The following TFPI variants were observed in gnomAD, a reference collection of about 807,000 sequenced individuals.
The protein encoded by TFPI is tissue factor pathway inhibitor.
A neutral mutation model predicts 34.6 loss-of-function variants in TFPI; 15 were observed. That is an observed-to-expected ratio of 0.43 (90% CI 0.29 to 0.67). The LOEUF (loss-of-function observed/expected upper bound fraction) is 0.67. TFPI is among the 30% of genes least tolerant of loss of function. The pLI is 0.15. For synonymous variants in TFPI, 105 were observed against 120.1 expected (o/e 0.87, Z 0.82); for missense variants, 301 against 364.0 (o/e 0.83, Z 1.41).
In TFPI at chr2:187,469,177, T is replaced by C. The variant is rs576133631; in HGVS notation, c.629-1245A>G. Among the ~76,000 whole-genome samples the C allele has an allele frequency of 4.6e-5, 7 of 152,176 alleles. No individual in the cohort carries two copies. The South Asian group carries it at 1.2e-3, about 27-fold the overall frequency. ...TAAGGACTAGAGTGTCTTGATATAG[T>C]AACTCAGGTAATAAAAAATATTCTG... On this transcript the variant is annotated intron_variant, in intron 6 of 7. Transcript: ENST00000233156.
At chr2:187,486,885 C>G (rs1052608834) in intron 4 of TFPI, among the ~76,000 whole-genome samples, 11 of 151,540 alleles carry the variant, frequency 7.3e-5, no homozygotes, top group Non-Finnish European at 1.3e-4. Context: ...TGTATTAAAT[C>G]TCAAATCTCT....
intron 1 of TFPI, among the ~76,000 whole-genome samples, chr2:187,506,913 A>G (rs1166454278): frequency 1.3e-5 from 2 of 151,846 alleles, no homozygotes; most frequent in African/African-American, 4.8e-5. Context: ...CTGTTTATTT[A>G]TTTATTTTTT....
At chr2:187,546,095 T>C (rs1320989404) in intron 1 of TFPI, among the ~76,000 whole-genome samples, 1 of 152,028 alleles carries the variant, frequency 6.6e-6, no homozygotes, top group Non-Finnish European at 1.5e-5. Flanking sequence ...TCTCCACTAC[T>C]AAGAATACAA....
rs1688778284 is a variant in TFPI, at chr2:187,544,949, T to G, written c.-3+9251A>C. Among the ~76,000 whole-genome samples the G allele has an allele frequency of 2.6e-5, 4 of 152,046 alleles. 1 individual carries two copies. Among genetic ancestry groups the G allele is most frequent in the Non-Finnish European group, 5.9e-5 (4 of 67,992 alleles). ...GGCCAACATGGCGAAACCCTGACTC[T>G]TCTAAAAACACAAAAATAAGCCGGT... On this transcript the variant is annotated intron_variant, in intron 1 of 7. Coordinates refer to ENST00000233156, the MANE Select transcript of TFPI (RefSeq NM_006287.6).
intron 1 of TFPI, among the ~76,000 whole-genome samples, chr2:187,533,538 C>T (rs1688084890): frequency 6.6e-6 from 1 of 152,168 alleles, no homozygotes; most frequent in South Asian, 2.1e-4. Context: ...AAGAGGACAT[C>T]CACACAGAAA....
intron 6 of TFPI, among the ~76,000 whole-genome samples, chr2:187,476,320 G>A (rs8176541): frequency 0.26 from 39,766 of 152,002 alleles, 5,513 homozygotes; most frequent in Middle Eastern, 0.33. Context: ...AAGAGGCAGA[G>A]TTGGAATTTT....
rs570360839 is a variant in TFPI at position 187,510,850 on chromosome 2, G to A, written c.-2-7080C>T. Among the ~76,000 whole-genome samples, 636 of 152,268 alleles carry A rather than the reference G, an allele frequency of 4.2e-3. 1 individual carries two copies. Among genetic ancestry groups the A allele is most frequent in the African/African-American group, 9.2e-3 (381 of 41,568 alleles). ...CAGGAATTGCTCACTTGGGGAGCTC[G>A]GCTTTTGAGATGCAAGTCTGCTGAA... On this transcript the variant is annotated intron_variant, in intron 1 of 7. Transcript: ENST00000233156.
chr2:187,514,643 C>G (rs1388537200), intron 1 of TFPI: 1 of 152,212 alleles, frequency 6.6e-6, no homozygotes, highest in Non-Finnish European at 1.5e-5. Flanking sequence ...TGTGGTGGAC[C>G]TTTACTGGGC....
At chr2:187,499,121 C>CT (rs961455911) in intron 2 of TFPI, among the ~76,000 whole-genome samples, 86 of 147,176 alleles carry the variant, frequency 5.8e-4, no homozygotes, top group African/African-American at 1.8e-3. Context: ...AATGTCATTT[C>CT]TTTTTTTTTT....
chr2:187,497,111 A>G, intron 2 of TFPI, 33 bp from the exon 3 acceptor site: 1 of 1,558,784 alleles, frequency 6.4e-7, no homozygotes, highest in East Asian at 2.3e-5. Context: ...ATAACATGTA[A>G]TCTCCATCAA....
At chr2:187,470,441 A>G (rs748705305) in intron 6 of TFPI, among the ~76,000 whole-genome samples, 10 of 152,168 alleles carry the variant, frequency 6.6e-5, no homozygotes, top group Non-Finnish European at 1.3e-4. Context: ...GCTAGTACAT[A>G]TGGGGCTACA....
chr2:187,536,882 C>T (rs2106282105), intron 1 of TFPI, among the ~76,000 whole-genome samples: 1 of 152,322 alleles, frequency 6.6e-6, no homozygotes, highest in South Asian at 2.1e-4. Context: ...GCAACTTCAG[C>T]AAAGTCTCAG....
chr2:187,548,892 C>A (rs1408554358), intron 1 of TFPI, among the ~76,000 whole-genome samples: 1 of 151,910 alleles, frequency 6.6e-6, no homozygotes, highest in Non-Finnish European at 1.5e-5. Flanking sequence ...TTCAGCTGTT[C>A]CTTAAGAAAA....
Position 187,528,242 on chromosome 2 carries a change from T to G in TFPI, c.-2-24472A>C, listed in dbSNP as rs16829089. On this transcript the variant is annotated intron_variant, in intron 1 of 7. Transcript: ENST00000233156. ...GTCTAAAGCTTAGAAACCTGGAGAATTGCCTCTCACAGCTGGGAATAGGGC... is the reference window on the plus strand; with the variant it reads ...GTCTAAAGCTTAGAAACCTGGAGAAGTGCCTCTCACAGCTGGGAATAGGGC... Among the ~76,000 whole-genome samples the G allele has an allele frequency of 5.1e-3, 773 of 152,216 alleles. 5 individuals carry two copies. The highest frequency in any genetic ancestry group is 0.018 in the African/African-American group (748 of 41,528).
At chr2:187,513,275 C>G (rs1042882296) in intron 1 of TFPI, among the ~76,000 whole-genome samples, 5 of 152,126 alleles carry the variant, frequency 3.3e-5, no homozygotes, top group Non-Finnish European at 5.9e-5. Context: ...TCTTAAATCA[C>G]TAACCTGCTC....
chr2:187,474,631 G>A (rs964745524), intron 6 of TFPI, among the ~76,000 whole-genome samples: 2 of 152,086 alleles, frequency 1.3e-5, no homozygotes, highest in South Asian at 2.1e-4. Flanking sequence ...TACCACAACC[G>A]AAGCAGTTAC....
chr2:187,532,680 G>A (rs530490017), intron 1 of TFPI, among the ~76,000 whole-genome samples: 7 of 152,232 alleles, frequency 4.6e-5, no homozygotes, highest in East Asian at 3.9e-4. Context: ...ACCAAGCTGC[G>A]GGAGTTTTTT....
intron 6 of TFPI, among the ~76,000 whole-genome samples, chr2:187,480,410 T>A (rs1024327431): frequency 5.9e-5 from 9 of 152,136 alleles, no homozygotes; most frequent in African/African-American, 1.7e-4. Context: ...CAACACAACC[T>A]ATCAACTTAG....
chr2:187,508,945 T>G (rs992052010), intron 1 of TFPI, among the ~76,000 whole-genome samples: 1 of 151,970 alleles, frequency 6.6e-6, no homozygotes, highest in Non-Finnish European at 1.5e-5. Context: ...TCATAAATAG[T>G]TATTATTATT....
Sources: gnomAD v4.1 joint callset for allele counts (sites outside exome capture counted in the v4.1 genomes callset) on GRCh38, gnomAD v4.1.1 for gene constraint, MANE v1.5 for transcripts, NCBI Gene and HGNC (gene_info 2026-07-23, HGNC 2026-07-21) for gene names.